Variants in SCHIP1 observed in about 807,000 individuals in gnomAD.
The protein encoded by SCHIP1 is schwannomin-interacting protein 1.
Under a neutral mutation model 29.7 loss-of-function variants are expected in SCHIP1, and 8 were observed. The observed-to-expected ratio is 0.27, with a 90% CI of 0.16 to 0.49. The LOEUF (loss-of-function observed/expected upper bound fraction) is 0.49, where lower values mean the gene tolerates loss of function less well. Ranked by LOEUF, SCHIP1 falls within the 20% of genes least tolerant of loss-of-function variation. The probability of loss-of-function intolerance (pLI) is 0.99; values close to 1 mark genes in which losing one functional copy is unlikely to be tolerated. For missense variants in SCHIP1, 193 were observed against 294.6 expected, an observed-to-expected ratio of 0.66 and a Z score of 2.52; for synonymous variants, 76 against 94.9, an observed-to-expected ratio of 0.80 and a Z score of 1.16.
the SCHIP1 span, among the ~76,000 whole-genome samples, chr3:159,564,124 C>T: frequency 6.6e-6 from 1 of 152,278 alleles, no homozygotes; most frequent in East Asian, 1.9e-4. Context: ...CTTTATCAGT[C>T]CCACCCTAAA....
chr3:159,819,964 G>T, the SCHIP1 span, among the ~76,000 whole-genome samples: 1 of 152,212 alleles, frequency 6.6e-6, no homozygotes, highest in Non-Finnish European at 1.5e-5. Flanking sequence ...CTAGCCACAG[G>T]CCAGATGGCT....
At chr3:159,670,070 ACT>A in the SCHIP1 span, among the ~76,000 whole-genome samples, 1 of 151,926 alleles carries the variant, frequency 6.6e-6, no homozygotes, top group Admixed American at 6.6e-5. Context: ...GTCAACCAAA[ACT>A]CTTTAAGAAA....
chr3:159,632,516 G>A, the SCHIP1 span, among the ~76,000 whole-genome samples: 131 of 152,314 alleles, frequency 8.6e-4, no homozygotes, highest in South Asian at 0.012. Context: ...TTGGGGAAAG[G>A]AGGGAAGCTA....
At chr3:159,289,506 C>A in the SCHIP1 span, among the ~76,000 whole-genome samples, 42 of 152,242 alleles carry the variant, frequency 2.8e-4, no homozygotes, top group Non-Finnish European at 5.0e-4. Flanking sequence ...GGCAGCCTCT[C>A]CCTCATGATT....
the SCHIP1 span, among the ~76,000 whole-genome samples, chr3:159,554,028 G>GTGTGTA: frequency 2.6e-4 from 19 of 73,446 alleles, no homozygotes; most frequent in African/African-American, 1.9e-3. Context: ...GTTTGTGTAT[G>GTGTGTA]TGTGTGTGTG....
chr3:159,776,464 G>C, the SCHIP1 span, among the ~76,000 whole-genome samples: 4 of 151,596 alleles, frequency 2.6e-5, no homozygotes, highest in Non-Finnish European at 5.9e-5. Context: ...AAATTGGTTC[G>C]GCAAGGAGTA....
the SCHIP1 span, among the ~76,000 whole-genome samples, chr3:159,638,298 A>C: frequency 6.6e-6 from 1 of 152,304 alleles, no homozygotes; most frequent in South Asian, 2.1e-4. Flanking sequence ...CATGCTTGAC[A>C]TCCTAATGAG....
chr3:159,303,310 A>G, the SCHIP1 span, among the ~76,000 whole-genome samples: 2 of 152,026 alleles, frequency 1.3e-5, no homozygotes, highest in Admixed American at 1.3e-4. Context: ...TGTAGTGATC[A>G]CACAAGCAGT....
At chr3:159,745,518 T>C in the SCHIP1 span, among the ~76,000 whole-genome samples, 1 of 152,246 alleles carries the variant, frequency 6.6e-6, no homozygotes, top group African/African-American at 2.4e-5. Flanking sequence ...TTAAATGTGT[T>C]AGGCCATATT....
the SCHIP1 span, chr3:159,765,120 G>C: frequency 6.4e-7 from 1 of 1,567,252 alleles, no homozygotes; most frequent in Non-Finnish European, 8.6e-7. Flanking sequence ...AGGGCCAGGC[G>C]AGGACCAACT....
At chr3:159,822,944 C>T in the SCHIP1 span, among the ~76,000 whole-genome samples, 847 of 151,956 alleles carry the variant, frequency 5.6e-3, 3 homozygotes, top group Admixed American at 0.011. Flanking sequence ...ACAGCCACCT[C>T]TTGAGAGCCA....
At chr3:159,491,001 A>C in the SCHIP1 span, among the ~76,000 whole-genome samples, 2 of 152,180 alleles carry the variant, frequency 1.3e-5, no homozygotes, top group East Asian at 3.9e-4. Context: ...TTTAATTTAC[A>C]TGTTTATGAA....
chr3:159,677,500 A>G, the SCHIP1 span, among the ~76,000 whole-genome samples: 1 of 152,232 alleles, frequency 6.6e-6, no homozygotes, highest in Non-Finnish European at 1.5e-5. Context: ...GTGGACCCTG[A>G]AAGTCTGAGG....
the SCHIP1 span, among the ~76,000 whole-genome samples, chr3:159,394,709 G>C: frequency 7.9e-5 from 12 of 152,138 alleles, no homozygotes; most frequent in African/African-American, 2.6e-4. Flanking sequence ...CTGCTGGATT[G>C]GTTTTGCCAG....
chr3:159,529,563 G>A, the SCHIP1 span, among the ~76,000 whole-genome samples: 1 of 152,144 alleles, frequency 6.6e-6, no homozygotes, highest in African/African-American at 2.4e-5. Context: ...TCAAATCTGG[G>A]TAACTGGGAT....
the SCHIP1 span, chr3:159,273,732 C>G: frequency 6.4e-7 from 1 of 1,562,836 alleles, no homozygotes; most frequent in Non-Finnish European, 8.7e-7. Flanking sequence ...TACTAGCTAA[C>G]CCAGGTGACC....
chr3:159,626,248 CTATATAGATAGA>C, the SCHIP1 span, among the ~76,000 whole-genome samples: 1 of 65,060 alleles, frequency 1.5e-5, no homozygotes, highest in African/African-American at 9.4e-5. Flanking sequence ...ATCTATCTAT[CTATATAGATAGA>C]TAGATAGATA....
chr3:159,651,415 G>T, the SCHIP1 span, among the ~76,000 whole-genome samples: 1 of 152,186 alleles, frequency 6.6e-6, no homozygotes, highest in East Asian at 1.9e-4. Flanking sequence ...CCATAGATGA[G>T]CAGTGTGGAC....
At chr3:159,752,580 A>G in the SCHIP1 span, among the ~76,000 whole-genome samples, 1 of 152,272 alleles carries the variant, frequency 6.6e-6, no homozygotes, top group South Asian at 2.1e-4. Context: ...GACAGAAGGT[A>G]AAGTGGGAGT....
Sources: gnomAD v4.1 joint callset for allele counts (sites outside exome capture counted in the v4.1 genomes callset) on GRCh38, gnomAD v4.1.1 for gene constraint, MANE v1.5 for transcripts, NCBI Gene and HGNC (gene_info 2026-07-23, HGNC 2026-07-21) for gene names.